Variants in CLCNKB observed in about 807,000 individuals in gnomAD.
CLCNKB encodes the protein chloride voltage-gated channel Kb.
CLCNKB carries 74 observed loss-of-function variants against 83.8 expected under a neutral mutation model. The observed-to-expected ratio is 0.88, with a 90% CI of 0.73 to 1.07. The LOEUF is 1.07. Ranked by LOEUF, CLCNKB falls within the 50% of genes least tolerant of loss-of-function variation. CLCNKB has a pLI of 0.00. For synonymous variants in CLCNKB, 358 were observed against 356.6 expected, an observed-to-expected ratio of 1.00 and a Z score of -0.04; for missense variants, 798 against 893.6, an observed-to-expected ratio of 0.89 and a Z score of 1.36.
rs146608323 is a variant in CLCNKB at position 16,054,015 on chromosome 1, C to A, written c.1756+243C>A. Among the ~76,000 whole-genome samples the A allele has an allele frequency of 1.7e-3, 265 of 152,218 alleles. 4 individuals carry two copies. Among genetic ancestry groups the A allele is most frequent in the Admixed American group, 2.7e-3 (42 of 15,290 alleles). On this transcript the variant is annotated intron_variant, in intron 16 of 19. Transcript: ENST00000375679. Reference sequence around the variant, plus strand: ...GTCGGCCGGGTGCTTGTAAGGCAGTCCCTGGGCAGCTGCTGGGGTAGGAGC... The same window carrying A: ...GTCGGCCGGGTGCTTGTAAGGCAGTACCTGGGCAGCTGCTGGGGTAGGAGC...
intron 15 of CLCNKB, among the ~76,000 whole-genome samples, chr1:16,053,317 C>T (rs1036251533): frequency 1.8e-4 from 27 of 152,246 alleles, no homozygotes; most frequent in African/African-American, 2.9e-4. Flanking sequence ...CGTGAGCCAC[C>T]GTGCCCAGCC....
rs375079508 is a variant in CLCNKB, at chr1:16,048,351, C to A, written c.507C>A (p.Phe169Leu). 2 of 1,613,874 alleles carry A rather than the reference C, an allele frequency of 1.2e-6. No homozygotes were observed. Among genetic ancestry groups the A allele is most frequent in the African/African-American group, 1.3e-5 (1 of 74,848 alleles). The change falls in exon 6 of 20, where the codon TTC (phenylalanine) becomes TTA (leucine). Residue 169 changes from phenylalanine (F) to leucine (L), a missense_variant. Phe to Leu is a conservative substitution (Grantham distance 22). Coordinates refer to ENST00000375679, the MANE Select transcript of CLCNKB (RefSeq NM_000085.5). ...CACCCTTCTCTCTGCAGGGCCCTTTCGTGCACCTGTCTGTGATGATGGCTG... is the reference window on the plus strand; with the variant it reads ...CACCCTTCTCTCTGCAGGGCCCTTTAGTGCACCTGTCTGTGATGATGGCTG... ...STLFLGKVGP[F>L]VHLSVMMAAY...
At chr1:16,053,524 C>T (rs553933111) in intron 15 of CLCNKB, 115 bp from the exon 16 acceptor site, 103 of 1,485,256 alleles carry the variant, frequency 6.9e-5, no homozygotes, top group South Asian at 2.0e-4. Context: ...CCGGCCCTGC[C>T]CACACTCCAG....
chr1:16,049,256 T>C lies in CLCNKB; in HGVS notation c.781+11T>C, dbSNP rs765749738. On this transcript the variant is annotated intron_variant, in intron 8 of 19. Coordinates refer to ENST00000375679, the MANE Select transcript of CLCNKB (RefSeq NM_000085.5). Reference sequence around the variant, plus strand: ...TCAACAGCGAGCAGGGTGAGCCCCCTGGGCTGCCTGACCCTGGCCCTGCCT... The same window carrying C: ...TCAACAGCGAGCAGGGTGAGCCCCCCGGGCTGCCTGACCCTGGCCCTGCCT... 2 of 1,613,276 alleles carry C rather than the reference T, an allele frequency of 1.2e-6. No individual in the cohort carries two copies. The highest frequency in any genetic ancestry group is 1.7e-6 in the Non-Finnish European group (2 of 1,179,776).
intron 9 of CLCNKB, 47 bp from the exon 10 acceptor site, chr1:16,049,768 C>T (rs2023225654): frequency 3.1e-6 from 5 of 1,613,280 alleles, no homozygotes; most frequent in Non-Finnish European, 4.2e-6. Context: ...GACTGCGGCC[C>T]CTGGTACTGG....
intron 15 of CLCNKB, among the ~76,000 whole-genome samples, chr1:16,052,679 G>A (rs1056323381): frequency 1.2e-4 from 18 of 152,282 alleles, no homozygotes; most frequent in African/African-American, 3.4e-4. Flanking sequence ...TGAGGAAACC[G>A]GGGCTCAGAG....
intron 3 of CLCNKB, among the ~76,000 whole-genome samples, chr1:16,046,293 G>C (rs1345833421): frequency 1.3e-5 from 2 of 152,212 alleles, no homozygotes; most frequent in Non-Finnish European, 2.9e-5. Flanking sequence ...TGGCAGATGG[G>C]GAAACTGAGG....
chr1:16,056,372 T>A, intron 18 of CLCNKB, 50 bp from the exon 19 acceptor site: 1 of 1,573,788 alleles, frequency 6.4e-7, no homozygotes, highest in Non-Finnish European at 8.7e-7. Context: ...GGCTAGAGGG[T>A]GGGCTGGGCA....
intron 4 of CLCNKB, 59 bp from the exon 5 acceptor site, chr1:16,047,846 G>A (rs574337430): frequency 1.9e-6 from 3 of 1,564,306 alleles, no homozygotes; most frequent in Non-Finnish European, 2.6e-6. Flanking sequence ...CACAGGTAGA[G>A]TGTTGAGATT....
chr1:16,046,732 A>T, intron 4 of CLCNKB, 69 bp downstream of exon 4: 4 of 1,587,568 alleles, frequency 2.5e-6, no homozygotes, highest in Non-Finnish European at 3.5e-6. Flanking sequence ...GGGAGTCGGG[A>T]AGGGGCAGCC....
intron 5 of CLCNKB, 85 bp downstream of exon 5, chr1:16,048,129 T>A (rs1430192407): frequency 2.6e-6 from 4 of 1,526,034 alleles, no homozygotes; most frequent in African/African-American, 2.7e-5. Flanking sequence ...GAAAGCTGCG[T>A]CAGAGGGGAC....
rs763504960 is a variant in CLCNKB, at chr1:16,050,609, C to A, written c.1053+9C>A. On this transcript the variant is annotated intron_variant, in intron 11 of 19. Coordinates refer to ENST00000375679, the MANE Select transcript of CLCNKB (RefSeq NM_000085.5). Reference sequence around the variant, plus strand: ...GCTTCCTAGCTTCTCGGGTAAGGGGCCTTGAGTGGGGTGGCAGGAGTGGGG... The same window carrying A: ...GCTTCCTAGCTTCTCGGGTAAGGGGACTTGAGTGGGGTGGCAGGAGTGGGG... The A allele has an allele frequency of 1.4e-5, 23 of 1,613,626 alleles. No individual in the cohort carries two copies. The highest frequency in any genetic ancestry group is 1.6e-4 in the Middle Eastern group (1 of 6,062).
Position 16,057,284 on chromosome 1 carries a change from G to A in CLCNKB, c.*368G>A. ...GTCTGGTTCCCAGTGAGAGGCTCCT[G>A]AGAAAAATAAAGCTGGTTCCCAGAG... On this transcript the variant is annotated 3_prime_UTR_variant, in exon 20 of 20. Transcript: ENST00000375679. 1.7e-6 allele frequency: 1 copy of A among 605,348 alleles called. No homozygotes were observed. The highest frequency in any genetic ancestry group is 1.5e-5 in the South Asian group (1 of 65,540). 37.5% of individuals were successfully genotyped at this position (605,348 alleles called of 1,614,324 possible).
chr1:16,052,671 A>T (rs1425533286), intron 15 of CLCNKB, among the ~76,000 whole-genome samples: 1 of 152,182 alleles, frequency 6.6e-6, no homozygotes, highest in Non-Finnish European at 1.5e-5. Context: ...GTACAGATTG[A>T]GGAAACCGGG....
intron 12 of CLCNKB, among the ~76,000 whole-genome samples, chr1:16,051,277 A>G (rs963567148): frequency 1.3e-5 from 2 of 152,134 alleles, no homozygotes; most frequent in African/African-American, 2.4e-5. Context: ...GAAGAAAGGA[A>G]TGTACCTGGC....
In CLCNKB at chr1:16,044,525, C is replaced by T. The variant is rs766031319; in HGVS notation, c.33C>T (p.Ser11=). The change falls in exon 2 of 20, where the codon TCC becomes TCT. Residue 11 remains serine, a synonymous_variant. Coordinates refer to ENST00000375679, the MANE Select transcript of CLCNKB (RefSeq NM_000085.5). MEEFVGLREG[S]SGNPVTLQEL... is the part of the protein sequence containing the mutation. ...AGTTTGTGGGGCTGCGTGAAGGCTC[C>T]TCAGGGAACCCTGTGACTCTGCAGG... The T allele has an allele frequency of 8.1e-6, 13 of 1,606,804 alleles. No homozygotes were observed. In the South Asian group the frequency reaches 1.5e-4, roughly 18 times the overall value.
At chr1:16,050,059 C>G (rs2023240048) in intron 10 of CLCNKB, 143 bp downstream of exon 10, 1 of 152,962 alleles carries the variant, frequency 6.5e-6, no homozygotes, top group Non-Finnish European at 1.1e-5. Context: ...CCCCTAACAC[C>G]ACCTACAAGT....
chr1:16,049,070 C>T, intron 7 of CLCNKB, 50 bp from the exon 8 acceptor site: 1 of 1,613,318 alleles, frequency 6.2e-7, no homozygotes, highest in Middle Eastern at 1.7e-4. Flanking sequence ...GTCCTACAGT[C>T]ACAGGTGGGT....
Position 16,053,626 on chromosome 1 carries a change from C to G in CLCNKB, c.1623-13C>G. 2.5e-6 allele frequency: 4 copies of G among 1,613,820 alleles called. No individual in the cohort carries two copies. The highest frequency in any genetic ancestry group is 3.4e-6 in the Non-Finnish European group (4 of 1,180,028). ...CTGACTGTGGGGCCTGATGGGAGCC[C>G]CTCTGCCTGCAGTTCCCACCGCGTG... On this transcript the variant is annotated splice_polypyrimidine_tract_variant and intron_variant, in intron 15 of 19. Coordinates refer to ENST00000375679, the MANE Select transcript of CLCNKB (RefSeq NM_000085.5).
Sources: gnomAD v4.1 joint callset for allele counts (sites outside exome capture counted in the v4.1 genomes callset) on GRCh38, gnomAD v4.1.1 for gene constraint, MANE v1.5 for transcripts, NCBI Gene and HGNC (gene_info 2026-07-23, HGNC 2026-07-21) for gene names.